The following SV2C variants were observed in gnomAD, a reference collection of about 807,000 sequenced individuals.
SV2C encodes the protein synaptic vesicle glycoprotein 2C.
A neutral mutation model predicts 79.7 loss-of-function variants in SV2C; 49 were observed. The observed-to-expected ratio is 0.61, with a 90% CI of 0.49 to 0.78. The LOEUF (loss-of-function observed/expected upper bound fraction) is 0.78, where lower values mean the gene tolerates loss of function less well. SV2C is among the 30% of genes least tolerant of loss of function. The probability of loss-of-function intolerance (pLI) is 0.00; values close to 1 mark genes in which losing one functional copy is unlikely to be tolerated. For synonymous variants in SV2C, 334 were observed against 333.2 expected, an observed-to-expected ratio of 1.00 and a Z score of -0.03; for missense variants, 833 against 912.9, an observed-to-expected ratio of 0.91 and a Z score of 1.13.
intron 12 of SV2C, chr5:76,311,457 G>A (rs998459396): frequency 2.6e-5 from 4 of 152,378 alleles, no homozygotes; most frequent in South Asian, 2.1e-4. Context: ...GTCCTTGATT[G>A]TGAGGCTGGA....
the SV2C span, among the ~76,000 whole-genome samples, chr5:75,902,193 G>T: frequency 2.6e-5 from 4 of 152,322 alleles, no homozygotes; most frequent in East Asian, 7.7e-4. Flanking sequence ...CTCACGCTGG[G>T]AGCTGTGGAC....
intron 4 of SV2C, among the ~76,000 whole-genome samples, chr5:76,233,704 G>A (rs961323192): frequency 6.6e-6 from 1 of 151,438 alleles, no homozygotes; most frequent in Non-Finnish European, 1.5e-5. Context: ...TAATCATGTG[G>A]TTTTTGTCTT....
chr5:75,878,629 G>A, the SV2C span, among the ~76,000 whole-genome samples: 1 of 151,906 alleles, frequency 6.6e-6, no homozygotes, highest in Non-Finnish European at 1.5e-5. Context: ...TATGTATACT[G>A]TTATTCAATG....
intron 4 of SV2C, among the ~76,000 whole-genome samples, chr5:76,281,634 C>T (rs1424360141): frequency 6.6e-6 from 1 of 152,168 alleles, no homozygotes; most frequent in African/African-American, 2.4e-5. Context: ...TCTAGAGTCT[C>T]CTTCTGGAGG....
chr5:76,037,868 T>TCA, the SV2C span, among the ~76,000 whole-genome samples: 2 of 152,124 alleles, frequency 1.3e-5, no homozygotes, highest in Admixed American at 6.5e-5. Context: ...CAGTTTGATC[T>TCA]GACTGCTGTG....
the SV2C span, among the ~76,000 whole-genome samples, chr5:76,030,289 T>TGTTTTTTATTTA: frequency 1.7e-5 from 2 of 117,864 alleles, no homozygotes; most frequent in African/African-American, 7.8e-5. Flanking sequence ...TTTTTTTTTT[T>TGTTTTTTATTTA]TTTATTTATT....
chr5:76,001,905 C>T, the SV2C span, among the ~76,000 whole-genome samples: 1 of 152,106 alleles, frequency 6.6e-6, no homozygotes, highest in Non-Finnish European at 1.5e-5. Context: ...GTCACCTGAG[C>T]AGGGTACACT....
chr5:76,074,630 C>A, the SV2C span, among the ~76,000 whole-genome samples: 2 of 152,144 alleles, frequency 1.3e-5, no homozygotes, highest in Non-Finnish European at 2.9e-5. Flanking sequence ...TTTCATCTTC[C>A]TTTCTCATCT....
the SV2C span, among the ~76,000 whole-genome samples, chr5:75,994,844 T>C: frequency 6.6e-6 from 1 of 152,130 alleles, no homozygotes; most frequent in Non-Finnish European, 1.5e-5. Context: ...GCTAGTGTTA[T>C]AATTCAGTAT....
intron 2 of SV2C, among the ~76,000 whole-genome samples, chr5:76,159,777 C>A (rs1742843514): frequency 6.6e-6 from 1 of 152,046 alleles, no homozygotes; most frequent in South Asian, 2.1e-4. Flanking sequence ...CTAATTACAT[C>A]TGTAATGACC....
In SV2C at chr5:76,300,528, A is replaced by G. The variant is rs1281881454; in HGVS notation, c.1637-201A>G. Among the ~76,000 whole-genome samples the G allele has an allele frequency of 2.6e-5, 4 of 152,182 alleles. No homozygotes were observed. In the East Asian group the frequency reaches 5.8e-4, roughly 22 times the overall value. ...CTTTATTCAGCAAAGGTATCTCATC[A>G]TTCACCTACTTTATGATGTGAAGAC... On this transcript the variant is annotated intron_variant, in intron 10 of 12. Transcript: ENST00000502798.
intron 2 of SV2C, among the ~76,000 whole-genome samples, chr5:76,165,627 TC>T (rs1057107259): frequency 7.2e-5 from 11 of 152,178 alleles, no homozygotes; most frequent in African/African-American, 2.7e-4. Flanking sequence ...GCTTTTTTTT[TC>T]TTTTTTACTT....
the SV2C span, chr5:75,921,673 T>C: frequency 1.6e-6 from 1 of 623,218 alleles, no homozygotes; most frequent in South Asian, 1.5e-5. Context: ...CTTTTATCTG[T>C]TGGTAAACAG....
intron 2 of SV2C, among the ~76,000 whole-genome samples, chr5:76,174,722 A>G (rs1743468919): frequency 1.3e-5 from 2 of 152,244 alleles, no homozygotes; most frequent in South Asian, 4.1e-4. Context: ...ACGAAAGCAT[A>G]GTTCGTGGAC....
the SV2C span, among the ~76,000 whole-genome samples, chr5:75,921,986 T>A: frequency 2.0e-5 from 3 of 152,088 alleles, no homozygotes; most frequent in Admixed American, 2.0e-4. Context: ...AAAAAGCTCA[T>A]GGTCTAGTGG....
intron 2 of SV2C, chr5:76,171,025 G>A: frequency 1.2e-5 from 2 of 173,226 alleles, no homozygotes; most frequent in Non-Finnish European, 2.1e-5. Flanking sequence ...CTCAGTCTTT[G>A]CCGCCGCGCC....
the SV2C span, among the ~76,000 whole-genome samples, chr5:75,990,379 A>G: frequency 3.3e-5 from 5 of 151,928 alleles, no homozygotes; most frequent in South Asian, 1.0e-3. Flanking sequence ...CCAGTCCTCA[A>G]GAATAAGCCA....
chr5:76,260,619 A>G (rs1158679350), intron 4 of SV2C, among the ~76,000 whole-genome samples: 2 of 152,176 alleles, frequency 1.3e-5, no homozygotes, highest in South Asian at 2.1e-4. Flanking sequence ...TAATTTTTGT[A>G]TAAGATGTAA....
At chr5:76,146,806 A>ATT (rs1305319943) in intron 2 of SV2C, among the ~76,000 whole-genome samples, 4 of 149,548 alleles carry the variant, frequency 2.7e-5, no homozygotes, top group East Asian at 3.9e-4. Flanking sequence ...TTAAAAAAAA[A>ATT]AAAAAAAAAA....
Sources: gnomAD v4.1 joint callset for allele counts (sites outside exome capture counted in the v4.1 genomes callset) on GRCh38, gnomAD v4.1.1 for gene constraint, MANE v1.5 for transcripts, NCBI Gene and HGNC (gene_info 2026-07-23, HGNC 2026-07-21) for gene names.